Variants in ADGRB3 observed in about 807,000 individuals in gnomAD.
ADGRB3 encodes the protein adhesion G protein-coupled receptor B3.
In ADGRB3, 37 loss-of-function variants were observed where a neutral mutation model predicts 193.4. The ratio of observed to expected loss-of-function variants is 0.19; its 90% confidence interval spans 0.15 to 0.25. The LOEUF is 0.25. Ranked by LOEUF, ADGRB3 falls within the 10% of genes least tolerant of loss-of-function variation. The pLI is 1.00. For synonymous variants in ADGRB3, 690 were observed against 644.2 expected, an observed-to-expected ratio of 1.07 and a Z score of -1.08; for missense variants, 1,637 against 1,852.9, an observed-to-expected ratio of 0.88 and a Z score of 2.14.
At chr6:68,782,467 T>C (rs1766874766) in intron 3 of ADGRB3, among the ~76,000 whole-genome samples, 1 of 152,136 alleles carries the variant, frequency 6.6e-6, no homozygotes, top group Non-Finnish European at 1.5e-5. Context: ...GCATGATTTA[T>C]AATCCTTTGT....
chr6:68,946,997 T>C (rs960933142), intron 6 of ADGRB3, among the ~76,000 whole-genome samples: 9 of 152,152 alleles, frequency 5.9e-5, no homozygotes, highest in Admixed American at 5.9e-4. Flanking sequence ...GAGAAAACCA[T>C]TGCCTGGGAT....
intron 3 of ADGRB3, among the ~76,000 whole-genome samples, chr6:68,690,783 A>T (rs144872357): frequency 1.3e-5 from 2 of 152,168 alleles, no homozygotes; most frequent in South Asian, 4.1e-4. Context: ...GGTATATAGT[A>T]TATGACCATC....
At chr6:68,895,377 G>T (rs565259362) in intron 3 of ADGRB3, among the ~76,000 whole-genome samples, 2 of 151,928 alleles carry the variant, frequency 1.3e-5, no homozygotes, top group Admixed American at 1.3e-4. Context: ...TAGTGTACAG[G>T]ATTTTGCAAA....
chr6:69,087,150 G>A lies in ADGRB3; in HGVS notation c.2480+11112G>A, dbSNP rs150418069. ...CAGAGAAACACCCAAGACTGCTCTGGTATCTGGTACCTACAAAAGGAATTG... is the reference window on the plus strand; with the variant it reads ...CAGAGAAACACCCAAGACTGCTCTGATATCTGGTACCTACAAAAGGAATTG... On this transcript the variant is annotated intron_variant, in intron 17 of 31. Transcript: ENST00000370598. 1.2e-4 allele frequency among the ~76,000 whole-genome samples: 19 copies of A among 152,178 alleles called. No individual in the cohort carries two copies. In the East Asian group the frequency reaches 3.7e-3, roughly 29 times the overall value.
At chr6:68,908,961 C>T (rs1252788874) in intron 3 of ADGRB3, among the ~76,000 whole-genome samples, 2 of 152,126 alleles carry the variant, frequency 1.3e-5, no homozygotes, top group Non-Finnish European at 2.9e-5. Flanking sequence ...AAGTGATTCT[C>T]CTGAGACCCC....
intron 3 of ADGRB3, among the ~76,000 whole-genome samples, chr6:68,647,384 T>G (rs1273199902): frequency 6.6e-6 from 1 of 152,184 alleles, no homozygotes; most frequent in East Asian, 1.9e-4. Flanking sequence ...TACATTAATA[T>G]AAAATATTCT....
intron 3 of ADGRB3, among the ~76,000 whole-genome samples, chr6:68,897,265 C>A: frequency 6.6e-6 from 1 of 151,704 alleles, no homozygotes. Context: ...GAAGTCAAGG[C>A]AGGCAGATTA....
intron 3 of ADGRB3, among the ~76,000 whole-genome samples, chr6:68,771,779 A>AG (rs1478634408): frequency 6.6e-6 from 1 of 152,118 alleles, no homozygotes; most frequent in Non-Finnish European, 1.5e-5. Flanking sequence ...TAGTGTGGGT[A>AG]GGGAAGGGGT....
chr6:68,917,548 C>T (rs1313251074), intron 3 of ADGRB3, among the ~76,000 whole-genome samples: 1 of 152,060 alleles, frequency 6.6e-6, no homozygotes, highest in Non-Finnish European at 1.5e-5. Flanking sequence ...CTGTTAGAAT[C>T]TATGTGTATG....
At chr6:69,168,279 A>T (rs897817799) in intron 17 of ADGRB3, among the ~76,000 whole-genome samples, 3 of 152,156 alleles carry the variant, frequency 2.0e-5, no homozygotes, top group African/African-American at 7.2e-5. Context: ...CATCAGCCGA[A>T]AAACGGTTTG....
chr6:68,680,214 G>C (rs1764864451), intron 3 of ADGRB3, among the ~76,000 whole-genome samples: 1 of 151,952 alleles, frequency 6.6e-6, no homozygotes, highest in African/African-American at 2.4e-5. Context: ...TAGCCTTAAC[G>C]GACTAAGACA....
intron 3 of ADGRB3, among the ~76,000 whole-genome samples, chr6:68,883,922 G>C (rs1765818479): frequency 6.6e-6 from 1 of 152,146 alleles, no homozygotes. Flanking sequence ...AATAAGGCTT[G>C]AACTTAATAA....
At chr6:69,320,894 T>C (rs191712692) in intron 20 of ADGRB3, among the ~76,000 whole-genome samples, 1 of 151,096 alleles carries the variant, frequency 6.6e-6, no homozygotes, top group East Asian at 2.0e-4. Context: ...TTTTACAGTG[T>C]TTTGAGAAAA....
chr6:69,225,073 AT>A (rs2127252350), intron 17 of ADGRB3, among the ~76,000 whole-genome samples: 1 of 152,292 alleles, frequency 6.6e-6, no homozygotes, highest in Non-Finnish European at 1.5e-5. Flanking sequence ...TGGGAGATTG[AT>A]CCCCACCTCA....
intron 3 of ADGRB3, among the ~76,000 whole-genome samples, chr6:68,904,535 T>C (rs1192897950): frequency 3.3e-5 from 5 of 152,206 alleles, no homozygotes; most frequent in Admixed American, 6.5e-5. Flanking sequence ...TTAGAAACAT[T>C]ACATATGTTT....
At chr6:69,302,381 A>AT (rs1243652472) in intron 20 of ADGRB3, among the ~76,000 whole-genome samples, 1 of 151,748 alleles carries the variant, frequency 6.6e-6, no homozygotes, top group Non-Finnish European at 1.5e-5. Flanking sequence ...GAATGAGAAC[A>AT]TTTTTTTCTG....
At chr6:69,148,567 A>C (rs1774572908) in intron 17 of ADGRB3, among the ~76,000 whole-genome samples, 1 of 152,098 alleles carries the variant, frequency 6.6e-6, no homozygotes. Context: ...AGTAATTTAC[A>C]CATTGCAGTT....
At chr6:68,976,425 T>C (rs1466290948) in intron 10 of ADGRB3, among the ~76,000 whole-genome samples, 2 of 152,192 alleles carry the variant, frequency 1.3e-5, no homozygotes, top group East Asian at 3.8e-4. Context: ...TGTATATCTA[T>C]ATACAGTTGA....
intron 3 of ADGRB3, among the ~76,000 whole-genome samples, chr6:68,742,649 G>A (rs1345300904): frequency 6.6e-6 from 1 of 152,036 alleles, no homozygotes; most frequent in Non-Finnish European, 1.5e-5. Context: ...TTAGAATAAA[G>A]GAGAGGTGAA....
Sources: allele counts gnomAD v4.1 joint callset (sites outside exome capture counted in the v4.1 genomes callset), GRCh38; gene constraint gnomAD v4.1.1; transcripts MANE v1.5; gene names NCBI Gene and HGNC (gene_info 2026-07-23, HGNC 2026-07-21).